NCKAP1: variants seen among roughly 807,000 people sequenced by gnomAD.
The protein encoded by NCKAP1 is nck-associated protein 1.
In NCKAP1, 21 loss-of-function variants were observed where a neutral mutation model predicts 151.2. The observed-to-expected ratio is 0.14, with a 90% CI of 0.10 to 0.20. The LOEUF is 0.20. Ranked by LOEUF, NCKAP1 falls within the 10% of genes least tolerant of loss-of-function variation. NCKAP1 has a pLI of 1.00. For missense variants in NCKAP1, 933 were observed against 1,352.1 expected, an observed-to-expected ratio of 0.69 and a Z score of 4.86; for synonymous variants, 484 against 451.8, an observed-to-expected ratio of 1.07 and a Z score of -0.90.
intron 8 of NCKAP1, among the ~76,000 whole-genome samples, chr2:182,992,836 G>A (rs1337488586): frequency 1.3e-5 from 2 of 152,062 alleles, no homozygotes; most frequent in African/African-American, 2.4e-5. Flanking sequence ...ATTTCACAGT[G>A]ATTTTGGAGT....
In NCKAP1 at chr2:182,956,310, G is replaced by A. The variant is rs536790101; in HGVS notation, c.2153+152C>T. On this transcript the variant is annotated intron_variant, in intron 20 of 30. Transcript: ENST00000361354. ...CCACCTCGGCCTCCCAAAGTGCTGG[G>A]ATTATAGGCGTGAGCCACCACGCCC... 52 of 914,134 alleles carry A rather than the reference G, an allele frequency of 5.7e-5. 1 individual carries two copies. In the South Asian group the frequency reaches 8.3e-4, roughly 15 times the overall value. The allele number at this position is 914,134 out of a possible 1,614,324, so 56.6% of individuals were successfully genotyped here.
At chr2:183,016,509 G>A (rs936474948) in intron 2 of NCKAP1, among the ~76,000 whole-genome samples, 5 of 152,082 alleles carry the variant, frequency 3.3e-5, no homozygotes, top group African/African-American at 1.2e-4. Flanking sequence ...TTAAATCCTG[G>A]CAATGTTTAA....
At position 182,915,816 on chromosome 2, in the gene NCKAP1, T is replaced by C. The variant is rs565255601; in HGVS notation, c.*9886A>G. The C allele has an allele frequency of 3.7e-4, 56 of 152,216 alleles. No homozygotes were observed. The highest frequency in any genetic ancestry group is 1.3e-3 in the African/African-American group (55 of 41,544). The allele number at this position is 152,216 out of a possible 1,614,324, so 9.4% of individuals were successfully genotyped here. A position where few individuals can be genotyped will look rare whatever the true frequency, so the allele number is the denominator to read the frequency against. ...ATTTATTTCAGGACAATGACCTGAGTAGTCACTTTGAAATTTTTCTGATGG... is the reference window on the plus strand; with the variant it reads ...ATTTATTTCAGGACAATGACCTGAGCAGTCACTTTGAAATTTTTCTGATGG... On this transcript the variant is annotated 3_prime_UTR_variant, in exon 31 of 31. Coordinates refer to ENST00000361354, the MANE Select transcript of NCKAP1 (RefSeq NM_013436.5).
chr2:182,922,715 T>A lies in NCKAP1; in HGVS notation c.*2987A>T, dbSNP rs1039409655. 1.3e-5 allele frequency: 2 copies of A among 152,418 alleles called. No individual in the cohort carries two copies. Among genetic ancestry groups the A allele is most frequent in the Admixed American group, 1.3e-4 (2 of 15,266 alleles). 9.4% of individuals were successfully genotyped at this position (152,418 alleles called of 1,614,324 possible). ...TATCCTGTATACTTTCCAGTCACCA[T>A]CAGAAGTTTGCTCATGGCTGGGCGT... is the stretch of plus-strand genomic sequence containing the variant. On this transcript the variant is annotated 3_prime_UTR_variant, in exon 31 of 31. Transcript: ENST00000361354.
At chr2:182,989,255 C>T in intron 8 of NCKAP1, 69 bp from the exon 9 acceptor site, 1 of 1,328,936 alleles carries the variant, frequency 7.5e-7, no homozygotes, top group Non-Finnish European at 1.0e-6. Context: ...GACAGTGTAG[C>T]TTTTGAAAAA....
chr2:182,941,447 T>C (rs1345808646), intron 24 of NCKAP1, among the ~76,000 whole-genome samples: 2 of 152,208 alleles, frequency 1.3e-5, no homozygotes, highest in African/African-American at 4.8e-5. Flanking sequence ...ACAACATGGA[T>C]GAATAAATCT....
intron 2 of NCKAP1, among the ~76,000 whole-genome samples, chr2:183,006,567 T>C (rs1332891758): frequency 6.6e-6 from 1 of 152,128 alleles, no homozygotes; most frequent in Non-Finnish European, 1.5e-5. Context: ...TTAGTGAAAA[T>C]AAATTCCATA....
intron 2 of NCKAP1, among the ~76,000 whole-genome samples, chr2:183,010,563 A>G (rs926265904): frequency 3.3e-5 from 5 of 152,254 alleles, no homozygotes; most frequent in Admixed American, 1.3e-4. Flanking sequence ...TGACACAATT[A>G]ATATCAAGTT....
At chr2:183,002,664 G>C (rs556089048) in intron 4 of NCKAP1, among the ~76,000 whole-genome samples, 1 of 119,560 alleles carries the variant, frequency 8.4e-6, no homozygotes, top group South Asian at 2.3e-4. Context: ...ATCATACTAA[G>C]AAAGAGTCCA....
At chr2:183,009,489 A>AGCAAGCAG (rs1177793924) in intron 2 of NCKAP1, among the ~76,000 whole-genome samples, 2 of 151,418 alleles carry the variant, frequency 1.3e-5, no homozygotes, top group African/African-American at 2.4e-5. Flanking sequence ...CAAGCAAGCA[A>AGCAAGCAG]GCAGGCAAGC....
chr2:183,035,525 G>GT (rs540416247), intron 1 of NCKAP1, among the ~76,000 whole-genome samples: 1,743 of 148,726 alleles, frequency 0.012, 10 homozygotes, highest in Non-Finnish European at 0.019. Context: ...GAGGTGGAAG[G>GT]TTTTTTTTTT....
intron 1 of NCKAP1, among the ~76,000 whole-genome samples, chr2:183,031,828 G>A (rs560583015): frequency 5.3e-5 from 8 of 152,284 alleles, no homozygotes; most frequent in African/African-American, 1.7e-4. Flanking sequence ...GCAAGGCTTA[G>A]AAAGCCAAAA....
intron 20 of NCKAP1, among the ~76,000 whole-genome samples, chr2:182,954,899 G>T (rs926073938): frequency 6.6e-6 from 1 of 151,998 alleles, no homozygotes; most frequent in Non-Finnish European, 1.5e-5. Context: ...AAAAAAAACT[G>T]CTTCTCTGTG....
At chr2:182,987,486 TAC>T (rs1484771073) in intron 9 of NCKAP1, among the ~76,000 whole-genome samples, 3 of 152,158 alleles carry the variant, frequency 2.0e-5, no homozygotes, top group African/African-American at 4.8e-5. Flanking sequence ...TAATTTTAAA[TAC>T]AGAGATTCTC....
intron 8 of NCKAP1, among the ~76,000 whole-genome samples, chr2:182,993,205 AC>A (rs1698202115): frequency 6.6e-6 from 1 of 152,204 alleles, no homozygotes. Context: ...TACTTGTAAT[AC>A]CTAATACAAT....
chr2:182,960,193 G>A (rs1001044835), intron 18 of NCKAP1, among the ~76,000 whole-genome samples: 1 of 152,086 alleles, frequency 6.6e-6, no homozygotes, highest in Non-Finnish European at 1.5e-5. Context: ...TCCCCATCAA[G>A]CTACCAATGA....
intron 2 of NCKAP1, among the ~76,000 whole-genome samples, chr2:183,011,807 T>C (rs1018783407): frequency 1.3e-5 from 2 of 152,200 alleles, no homozygotes; most frequent in East Asian, 1.9e-4. Context: ...CTCTGAGATA[T>C]GATTCAAAGA....
At chr2:182,999,782 A>G (rs1278477812) in intron 6 of NCKAP1, among the ~76,000 whole-genome samples, 1 of 151,784 alleles carries the variant, frequency 6.6e-6, no homozygotes, top group East Asian at 1.9e-4. Flanking sequence ...CTGGATAAAG[A>G]GAGTGTGGTA....
At chr2:182,933,992 T>TTA (rs942982607) in intron 26 of NCKAP1, among the ~76,000 whole-genome samples, 3 of 152,212 alleles carry the variant, frequency 2.0e-5, no homozygotes, top group South Asian at 4.2e-4. Flanking sequence ...ACCTGCTGTT[T>TTA]TATATATATA....
Sources: allele counts gnomAD v4.1 joint callset (sites outside exome capture counted in the v4.1 genomes callset), GRCh38; gene constraint gnomAD v4.1.1; transcripts MANE v1.5; gene names NCBI Gene and HGNC (gene_info 2026-07-23, HGNC 2026-07-21).